Variants in DAAM1 observed in about 807,000 individuals in gnomAD.
DAAM1 encodes the protein disheveled-associated activator of morphogenesis 1.
Under a neutral mutation model 130.0 loss-of-function variants are expected in DAAM1, and 52 were observed. The observed-to-expected ratio is 0.40, with a 90% CI of 0.32 to 0.50. The LOEUF is 0.50. Ranked by LOEUF, DAAM1 falls within the 20% of genes least tolerant of loss-of-function variation. The pLI, the probability that DAAM1 is intolerant of heterozygous loss-of-function variation, is 0.61. For synonymous variants in DAAM1, 452 were observed against 444.5 expected, an observed-to-expected ratio of 1.02 and a Z score of -0.21; for missense variants, 1,134 against 1,303.8, an observed-to-expected ratio of 0.87 and a Z score of 2.01.
chr14:59,207,862 C>T (rs1478724641), intron 1 of DAAM1, among the ~76,000 whole-genome samples: 2 of 152,142 alleles, frequency 1.3e-5, no homozygotes, highest in Admixed American at 6.5e-5. Context: ...GGGTTTTTTC[C>T]TGACAGCAGT....
intron 15 of DAAM1, among the ~76,000 whole-genome samples, chr14:59,333,234 C>T (rs911645274): frequency 1.3e-5 from 2 of 152,110 alleles, no homozygotes; most frequent in Non-Finnish European, 2.9e-5. Context: ...AAAATAGAGG[C>T]GGTTGCCTGC....
intron 1 of DAAM1, among the ~76,000 whole-genome samples, chr14:59,258,641 G>A (rs763565208): frequency 6.6e-6 from 1 of 152,230 alleles, no homozygotes; most frequent in Non-Finnish European, 1.5e-5. Context: ...CCAGCGGAAT[G>A]ATTCCTTTTG....
rs781700508 is a variant in DAAM1 at position 59,330,484 on chromosome 14, A to G, written c.1373-17A>G. The G allele has an allele frequency of 1.1e-5, 17 of 1,565,426 alleles. No homozygotes were observed. Among genetic ancestry groups the G allele is most frequent in the Middle Eastern group, 1.7e-4 (1 of 5,798 alleles). On this transcript the variant is annotated splice_polypyrimidine_tract_variant and intron_variant, in intron 12 of 24. Coordinates refer to ENST00000360909, the MANE Select transcript of DAAM1 (RefSeq NM_001270520.2). ...GAAGACTCTCCTGTTTTCATGTCCA[A>G]TTGTTTTCTCGTGTAGAGCACAATG...
chr14:59,367,267 G>A (rs940377136), intron 23 of DAAM1, among the ~76,000 whole-genome samples, 162 bp from the exon 24 acceptor site: 1 of 152,172 alleles, frequency 6.6e-6, no homozygotes, highest in Admixed American at 6.5e-5. Flanking sequence ...CAGCCTGGGT[G>A]ATGGCGAAAC....
At chr14:59,326,801 G>T in intron 11 of DAAM1, 132 bp from the exon 12 acceptor site, 2 of 1,489,496 alleles carry the variant, frequency 1.3e-6, no homozygotes, top group Non-Finnish European at 1.8e-6. Context: ...AGTAACATCT[G>T]GTCTTAAATG....
At chr14:59,304,080 T>C (rs1486662341) in intron 3 of DAAM1, among the ~76,000 whole-genome samples, 1 of 152,156 alleles carries the variant, frequency 6.6e-6, no homozygotes, top group Non-Finnish European at 1.5e-5. Context: ...AGCTTCTCTC[T>C]GGTTCTTGGC....
At chr14:59,347,111 A>G (rs929181063) in intron 16 of DAAM1, among the ~76,000 whole-genome samples, 2 of 152,222 alleles carry the variant, frequency 1.3e-5, no homozygotes, top group Non-Finnish European at 2.9e-5. Context: ...AATAACATGT[A>G]GTTTCTAAAC....
At chr14:59,352,884 A>G (rs1304448459) in intron 18 of DAAM1, among the ~76,000 whole-genome samples, 1 of 152,060 alleles carries the variant, frequency 6.6e-6, no homozygotes, top group African/African-American at 2.4e-5. Context: ...CTTATCAAGT[A>G]ATAACTTTTC....
At chr14:59,218,601 T>C (rs1039936724) in intron 1 of DAAM1, among the ~76,000 whole-genome samples, 1 of 152,198 alleles carries the variant, frequency 6.6e-6, no homozygotes, top group Non-Finnish European at 1.5e-5. Flanking sequence ...GATACTTCCA[T>C]GTCCAAGAGT....
At chr14:59,288,397 G>GAACAAA (rs1287608974) in intron 2 of DAAM1, among the ~76,000 whole-genome samples, 1 of 152,020 alleles carries the variant, frequency 6.6e-6, no homozygotes, top group Non-Finnish European at 1.5e-5. Flanking sequence ...AAAGAAATGG[G>GAACAAA]AACAAAAACA....
rs398025271 is a variant in DAAM1 at position 59,370,144 on chromosome 14, C to CTTTTTTTTTTTTTTTTTTTTTT, written c.*1290_*1311dup. 16 of 95,402 alleles carry CTTTTTTTTTTTTTTTTTTTTTT rather than the reference C, an allele frequency of 1.7e-4. No individual in the cohort carries two copies. The highest frequency in any genetic ancestry group is 2.5e-4 in the Admixed American group (2 of 7,946). 5.9% of individuals were successfully genotyped at this position (95,402 alleles called of 1,614,324 possible). ...TATAAAGAGGACTGTTACTTTTTTA[C>CTTTTTTTTTTTTTTTTTTTTTT]TTTTTTTTTTTTTTTTTTTTTTTTT... On this transcript the variant is annotated 3_prime_UTR_variant, in exon 25 of 25. Transcript: ENST00000360909.
chr14:59,352,606 T>C lies in DAAM1; in HGVS notation c.2241T>C (p.Ala747=). 6.2e-7 allele frequency: 1 copy of C among 1,613,270 alleles called. No homozygotes were observed. Reference sequence around the variant, plus strand: ...ACGAACTGGATCGGATGGCCAAGGCTGATAGGTTCCTTTTTGAGATGAGCC... The same window carrying C: ...ACGAACTGGATCGGATGGCCAAGGCCGATAGGTTCCTTTTTGAGATGAGCC... ...HKHELDRMAK[A]DRFLFEMSRI... is the part of the protein sequence containing the mutation. Residue 747 remains alanine, a synonymous_variant, in exon 18 of 25, where the codon GCT becomes GCC. Transcript: ENST00000360909.
intron 3 of DAAM1, among the ~76,000 whole-genome samples, chr14:59,308,969 G>T (rs1307089840): frequency 6.6e-6 from 1 of 152,148 alleles, no homozygotes; most frequent in Non-Finnish European, 1.5e-5. Context: ...GCCAAAAAAT[G>T]TAACCAGGAT....
In DAAM1 at chr14:59,331,861, T is replaced by G; in HGVS notation, c.1909T>G (p.Phe637Val). 1.2e-6 allele frequency: 2 copies of G among 1,614,142 alleles called. No homozygotes were observed. The highest frequency in any genetic ancestry group is 1.7e-6 in the Non-Finnish European group (2 of 1,179,998). The change falls in exon 15 of 25, where the codon TTC (phenylalanine) becomes GTC (valine). Residue 637 changes from phenylalanine to valine, a missense_variant. Phe to Val is a conservative substitution (Grantham distance 50, BLOSUM62 -1). This residue lies in a region of DAAM1 where 644 missense variants were observed against 695.9 expected (regional missense o/e 0.93). Coordinates refer to ENST00000360909, the MANE Select transcript of DAAM1 (RefSeq NM_001270520.2). ...VWTEIDDTKV[F>V]KILDLEDLER... is the part of the protein sequence containing the mutation. Reference sequence around the variant, plus strand: ...GACCGAAATTGATGATACAAAAGTCTTCAAAATTCTAGATCTTGAAGACCT... The same window carrying G: ...GACCGAAATTGATGATACAAAAGTCGTCAAAATTCTAGATCTTGAAGACCT...
chr14:59,280,482 C>G (rs890061318), intron 2 of DAAM1, among the ~76,000 whole-genome samples: 1 of 150,530 alleles, frequency 6.6e-6, no homozygotes, highest in African/African-American at 2.4e-5. Context: ...TGAAATATCC[C>G]TTCCCTTCCT....
Position 59,336,760 on chromosome 14 carries a change from G to A in DAAM1, c.1969-3314G>A, listed in dbSNP as rs1191862349. On this transcript the variant is annotated intron_variant, in intron 15 of 24. Coordinates refer to ENST00000360909, the MANE Select transcript of DAAM1 (RefSeq NM_001270520.2). ...CTCAACTGAAAGCAGAGCCAAAGGG[G>A]AATAAGTGGACTTGATCATCAGGTT... Among the ~76,000 whole-genome samples the A allele has an allele frequency of 5.3e-5, 8 of 152,258 alleles. No individual in the cohort carries two copies. The East Asian group carries it at 1.2e-3, about 22-fold the overall frequency.
chr14:59,368,616 A>C (rs1887017629), intron 24 of DAAM1, 34 bp from the exon 25 acceptor site: 5 of 1,588,534 alleles, frequency 3.1e-6, no homozygotes, highest in Non-Finnish European at 4.3e-6. Context: ...ACATTTTGAC[A>C]TGTCTCAAAG....
At chr14:59,365,831 A>T (rs920156920) in intron 23 of DAAM1, among the ~76,000 whole-genome samples, 1 of 152,182 alleles carries the variant, frequency 6.6e-6, no homozygotes, top group Non-Finnish European at 1.5e-5. Context: ...TTGACTTTGA[A>T]GCTAGGAACA....
chr14:59,362,564 C>T (rs1294443723), intron 22 of DAAM1: 1 of 151,618 alleles, frequency 6.6e-6, no homozygotes, highest in African/African-American at 2.4e-5. Flanking sequence ...TCAGTGCCAG[C>T]TCCATAATTG....
Sources: allele counts gnomAD v4.1 joint callset (sites outside exome capture counted in the v4.1 genomes callset), GRCh38; gene constraint gnomAD v4.1.1; regional missense constraint gnomAD v4.1.1; transcripts MANE v1.5; gene names NCBI Gene and HGNC (gene_info 2026-07-23, HGNC 2026-07-21).